Variants in ARHGEF18 observed in about 807,000 individuals in gnomAD.
The protein encoded by ARHGEF18 is rho guanine nucleotide exchange factor 18.
A neutral mutation model predicts 155.7 loss-of-function variants in ARHGEF18; 93 were observed. The ratio of observed to expected loss-of-function variants is 0.60; its 90% CI spans 0.50 to 0.71. ARHGEF18 has a LOEUF of 0.71. Ranked by LOEUF, ARHGEF18 falls within the 30% of genes least tolerant of loss-of-function variation. The probability of loss-of-function intolerance (pLI) is 0.00; values close to 1 mark genes in which losing one functional copy is unlikely to be tolerated. For synonymous variants in ARHGEF18, 742 were observed against 753.1 expected, an observed-to-expected ratio of 0.99 and a Z score of 0.24; for missense variants, 1,593 against 1,816.1, an observed-to-expected ratio of 0.88 and a Z score of 2.23.
chr19:7,419,696 G>A (rs1973237437), intron 10 of ARHGEF18, among the ~76,000 whole-genome samples: 1 of 152,066 alleles, frequency 6.6e-6, no homozygotes, highest in African/African-American at 2.4e-5. Flanking sequence ...CTCCAGACCT[G>A]CCGTCTTGAG....
In ARHGEF18 at chr19:7,440,619, TC is replaced by T. The variant is rs1332377487; in HGVS notation, c.1106+140del. On this transcript the variant is annotated intron_variant, in intron 11 of 28. Transcript: ENST00000668164. The surrounding 1 kb of genome is among the most constrained non-coding windows in gnomAD (Gnocchi z 5.4). ...CAGCCCCCGTGCTAAGCAGAGAAAT[TC>T]CCATTAACGCTTGCTTCCAGGATCC... 2 of 1,200,262 alleles carry T rather than the reference TC, an allele frequency of 1.7e-6. No individual in the cohort carries two copies. Among genetic ancestry groups the T allele is most frequent in the Non-Finnish European group, 2.3e-6 (2 of 884,856 alleles). 74.4% of individuals were successfully genotyped at this position (1,200,262 alleles called of 1,614,324 possible).
chr19:7,477,359 G>A, downstream of ARHGEF18: 2 of 1,557,634 alleles, frequency 1.3e-6, no homozygotes, highest in Non-Finnish European at 8.7e-7. Flanking sequence ...GGCCAGGTCG[G>A]CCAGGTTGCT....
intron 20 of ARHGEF18, among the ~76,000 whole-genome samples, chr19:7,461,417 G>A (rs894014106): frequency 1.1e-4 from 17 of 152,230 alleles, no homozygotes; most frequent in African/African-American, 4.1e-4. Context: ...AGGCATGGTG[G>A]TGCGTGCCTA....
chr19:7,456,315 C>T lies in ARHGEF18; in HGVS notation c.2105-12C>T, dbSNP rs1381974083. ...GACTTTTAAGATGCATCCTTCCATGCTGTTTTCCCAGATATCCTGGCTATC... is the reference window on the plus strand; with the variant it reads ...GACTTTTAAGATGCATCCTTCCATGTTGTTTTCCCAGATATCCTGGCTATC... On this transcript the variant is annotated splice_polypyrimidine_tract_variant and intron_variant, in intron 17 of 28. Coordinates refer to ENST00000668164, the MANE Select transcript of ARHGEF18 (RefSeq NM_001367823.1). The T allele has an allele frequency of 5.0e-6, 8 of 1,613,924 alleles. No homozygotes were observed. In the South Asian group the frequency reaches 8.8e-5, roughly 18 times the overall value.
At chr19:7,382,135 G>A (rs1309911006) in intron 8 of ARHGEF18, among the ~76,000 whole-genome samples, 3 of 152,048 alleles carry the variant, frequency 2.0e-5, no homozygotes, top group Admixed American at 6.6e-5. Context: ...AATTAGGGCC[G>A]GGCGTGGTGG....
chr19:7,412,800 C>T (rs924738736), intron 10 of ARHGEF18, among the ~76,000 whole-genome samples: 4 of 151,272 alleles, frequency 2.6e-5, no homozygotes, highest in African/African-American at 9.7e-5. Context: ...GTGAAGTGGG[C>T]GGTTTTGCTT....
chr19:7,370,782 G>A (rs184100609), intron 2 of ARHGEF18, among the ~76,000 whole-genome samples: 20 of 152,278 alleles, frequency 1.3e-4, no homozygotes, highest in Admixed American at 1.3e-3. Flanking sequence ...GCAACGTGGA[G>A]GAATCTTGAG....
At chr19:7,390,824 G>A (rs1007913860) in intron 10 of ARHGEF18, 1 of 151,870 alleles carries the variant, frequency 6.6e-6, no homozygotes, top group African/African-American at 2.4e-5. Flanking sequence ...GGAAGATCAC[G>A]AGGTCAAGAG....
At chr19:7,388,995 A>T (rs970678003) in intron 10 of ARHGEF18, among the ~76,000 whole-genome samples, 2 of 151,764 alleles carry the variant, frequency 1.3e-5, no homozygotes, top group Admixed American at 1.3e-4. Flanking sequence ...TGTTATTTTT[A>T]ATTTTTTTGA....
chr19:7,439,300 A>G (rs965196419), intron 10 of ARHGEF18, among the ~76,000 whole-genome samples: 1 of 148,104 alleles, frequency 6.8e-6, no homozygotes, highest in Non-Finnish European at 1.5e-5. Context: ...AACCTCTACA[A>G]GAAAATATTT....
intron 11 of ARHGEF18, among the ~76,000 whole-genome samples, chr19:7,441,199 C>A (rs1181081170): frequency 1.2e-5 from 1 of 86,644 alleles, no homozygotes; most frequent in Non-Finnish European, 2.0e-5. Flanking sequence ...TTTTTTTTTT[C>A]TTTAGACAGA....
chr19:7,429,366 G>T (rs1306063321), intron 10 of ARHGEF18, among the ~76,000 whole-genome samples: 1 of 152,176 alleles, frequency 6.6e-6, no homozygotes, highest in Admixed American at 6.5e-5. Flanking sequence ...ACTTTAGGAG[G>T]CCAAGGCAGG....
At chr19:7,371,677 C>T (rs1257241673) in intron 2 of ARHGEF18, among the ~76,000 whole-genome samples, 8 of 152,022 alleles carry the variant, frequency 5.3e-5, no homozygotes, top group East Asian at 1.9e-4. Flanking sequence ...AAAAATTAGC[C>T]GGACATAATG....
downstream of ARHGEF18, among the ~76,000 whole-genome samples, chr19:7,473,741 C>T (rs955855655): frequency 2.2e-4 from 30 of 139,406 alleles, no homozygotes; most frequent in Non-Finnish European, 3.8e-4. Flanking sequence ...ACCCAGGAGG[C>T]GGAGCTTGCG....
At chr19:7,460,814 G>C (rs1976192105) in intron 20 of ARHGEF18, among the ~76,000 whole-genome samples, 1 of 150,124 alleles carries the variant, frequency 6.7e-6, no homozygotes, top group South Asian at 2.1e-4. Flanking sequence ...TTTTTAAACA[G>C]AGCCTCGCTC....
rs372380104 is a variant in ARHGEF18 at position 7,451,293 on chromosome 19, C to T, written c.1855+27C>T. 2.2e-4 allele frequency: 345 copies of T among 1,600,250 alleles called. No individual in the cohort carries two copies. In the African/African-American group the frequency reaches 3.6e-3, roughly 17 times the overall value. ...TAGGCCTTCTCCCCACTGCCCCGCC[C>T]GCCCGTGCTGCTGCAGCACAGGGCT... On this transcript the variant is annotated intron_variant, in intron 16 of 28. Transcript: ENST00000668164.
Position 7,451,116 on chromosome 19 carries a change from T to G in ARHGEF18, c.1738-33T>G, listed in dbSNP as rs1975422054. ...AGGATCTTGCTGTCCGTTTCTGAGATGTTAATACAGGATCTTGCTTTCTGT... is the reference window on the plus strand; with the variant it reads ...AGGATCTTGCTGTCCGTTTCTGAGAGGTTAATACAGGATCTTGCTTTCTGT... On this transcript the variant is annotated intron_variant, in intron 15 of 28. Transcript: ENST00000668164. The G allele has an allele frequency of 3.1e-6, 5 of 1,597,696 alleles. No homozygotes were observed. In the South Asian group the frequency reaches 5.5e-5, roughly 18 times the overall value.
In ARHGEF18 at chr19:7,467,264, C is replaced by G; in HGVS notation, c.3060C>G (p.Ile1020Met). Residue 1020 changes from isoleucine (I) to methionine (M), a missense_variant, in exon 26 of 29, where the codon ATC (isoleucine) becomes ATG (methionine). By Grantham distance (10) the Ile-to-Met change is conservative. Transcript: ENST00000668164. ...DSYVETQRAA[I>M]QEREKQFRLQ... ...ATGTGGAGACGCAGCGGGCTGCCAT[C>G]CAGGAGCGGGAGAAGCAGTTCCGGC... The G allele has an allele frequency of 6.4e-7, 1 of 1,562,696 alleles. No individual in the cohort carries two copies. Among genetic ancestry groups the G allele is most frequent in the Non-Finnish European group, 8.6e-7 (1 of 1,156,178 alleles).
At chr19:7,469,635 C>T (rs1335077407) in intron 27 of ARHGEF18, among the ~76,000 whole-genome samples, 3 of 152,136 alleles carry the variant, frequency 2.0e-5, no homozygotes, top group Non-Finnish European at 4.4e-5. Flanking sequence ...GGGTGTGTCC[C>T]GTGGTCACTA....
Sources: gnomAD v4.1 joint callset for allele counts (sites outside exome capture counted in the v4.1 genomes callset) on GRCh38, gnomAD v4.1.1 for gene constraint, Gnocchi (gnomAD v3.1) non-coding constraint, MANE v1.5 for transcripts, NCBI Gene and HGNC (gene_info 2026-07-23, HGNC 2026-07-21) for gene names.